RBFOX2: variants seen among roughly 807,000 people sequenced by gnomAD.
RBFOX2 encodes the protein RNA binding fox-1 homolog 2, also known as RNA binding protein fox-1 homolog 2.
Under a neutral mutation model 49.1 loss-of-function variants are expected in RBFOX2, and 10 were observed. The ratio of observed to expected loss-of-function variants is 0.20; its 90% CI spans 0.13 to 0.35. The LOEUF (loss-of-function observed/expected upper bound fraction) is 0.35. Among genes scored for constraint, RBFOX2 ranks in the 10% least tolerant of loss-of-function variants. RBFOX2 has a pLI of 1.00. For missense variants in RBFOX2, 323 were observed against 486.9 expected (o/e 0.66, Z 3.17); for synonymous variants, 183 against 187.4 (o/e 0.98, Z 0.19).
chr22:35,945,293 G>C (rs1175049226), intron 1 of RBFOX2, among the ~76,000 whole-genome samples: 1 of 152,014 alleles, frequency 6.6e-6, no homozygotes. Flanking sequence ...TATGTTATTC[G>C]CAGCAAGTTA....
chr22:35,853,658 CGTGTGTGTGTGT>C (rs36048607), intron 1 of RBFOX2, among the ~76,000 whole-genome samples: 40 of 141,138 alleles, frequency 2.8e-4, no homozygotes, highest in African/African-American at 4.1e-4. Flanking sequence ...TATATACACA[CGTGTGTGTGTGT>C]GTGTGTGTGT....
At chr22:35,820,560 G>A (rs1030758900) in intron 1 of RBFOX2, among the ~76,000 whole-genome samples, 1 of 152,060 alleles carries the variant, frequency 6.6e-6, no homozygotes, top group Non-Finnish European at 1.5e-5. Flanking sequence ...ACTCTATTAT[G>A]GTACTTATAT....
chr22:35,822,600 T>C (rs1017919354), intron 1 of RBFOX2, among the ~76,000 whole-genome samples: 3 of 152,196 alleles, frequency 2.0e-5, no homozygotes, highest in Non-Finnish European at 4.4e-5. Flanking sequence ...AAAATTCTAA[T>C]GGGAACTCAG....
chr22:35,985,917 T>C (rs1002413825), intron 1 of RBFOX2, among the ~76,000 whole-genome samples: 11 of 129,912 alleles, frequency 8.5e-5, no homozygotes, highest in African/African-American at 2.3e-4. Context: ...GATAGATAGA[T>C]AGATAGATAG....
At chr22:35,926,908 G>A (rs919494935) in intron 1 of RBFOX2, among the ~76,000 whole-genome samples, 1 of 152,068 alleles carries the variant, frequency 6.6e-6, no homozygotes, top group Non-Finnish European at 1.5e-5. Flanking sequence ...GAAAGCCAAA[G>A]GCAGAGTTTA....
intron 1 of RBFOX2, among the ~76,000 whole-genome samples, chr22:35,924,301 G>A (rs976731697): frequency 1.3e-5 from 2 of 152,094 alleles, no homozygotes; most frequent in Admixed American, 6.6e-5. Flanking sequence ...TATCTTAAAC[G>A]ATCCTGTGAT....
At position 36,008,533 on chromosome 22, in the gene RBFOX2, G is replaced by A. The variant is rs577968231; in HGVS notation, c.186+19707C>T. ...TCTCCTAGAGGTTTAACAAAAAATA[G>A]GGGCCAAGAGCAGTGGCTCATGCTT... On this transcript the variant is annotated intron_variant, in intron 1 of 13. Coordinates refer to the RBFOX2 transcript ENST00000438146. Among the ~76,000 whole-genome samples the A allele has an allele frequency of 7.9e-5, 12 of 152,236 alleles. No individual in the cohort carries two copies. The South Asian group carries it at 2.3e-3, about 29-fold the overall frequency.
intron 1 of RBFOX2, among the ~76,000 whole-genome samples, chr22:35,821,423 G>T (rs1193149421): frequency 1.3e-5 from 2 of 151,600 alleles, no homozygotes; most frequent in African/African-American, 4.8e-5. Context: ...CCAACATGGC[G>T]AAACCCCGTC....
At chr22:35,748,998 C>G (rs557205756) in intron 9 of RBFOX2, among the ~76,000 whole-genome samples, 4 of 152,282 alleles carry the variant, frequency 2.6e-5, no homozygotes, top group African/African-American at 9.6e-5. Flanking sequence ...GAACCAATTT[C>G]CCCTCATTTT....
intron 1 of RBFOX2, among the ~76,000 whole-genome samples, chr22:35,881,080 T>A (rs778616377): frequency 1.3e-5 from 2 of 148,174 alleles, no homozygotes; most frequent in South Asian, 2.1e-4. Context: ...CTGGCTAACA[T>A]GGTGAAACCC....
chr22:35,816,822 T>C (rs754099845), intron 1 of RBFOX2, among the ~76,000 whole-genome samples: 27 of 152,184 alleles, frequency 1.8e-4, no homozygotes, highest in Non-Finnish European at 3.5e-4. Context: ...TGCTTCAGTC[T>C]CAACAGTAAG....
chr22:36,011,130 T>C (rs1159937743), intron 1 of RBFOX2, among the ~76,000 whole-genome samples: 1 of 152,186 alleles, frequency 6.6e-6, no homozygotes, highest in Non-Finnish European at 1.5e-5. Flanking sequence ...CAATGACTCA[T>C]GGCAGATCCT....
Position 35,797,367 on chromosome 22 carries a change from T to C in RBFOX2, c.252+12413A>G, listed in dbSNP as rs559387627. ...AAAAGCAGCTAGTTCAGCTTGCAAC[T>C]CAATCACACAGTACTTTTCCTTGAA... On this transcript the variant is annotated intron_variant, in intron 2 of 11. Coordinates refer to ENST00000405409, the Ensembl canonical transcript of RBFOX2. Among the ~76,000 whole-genome samples the C allele has an allele frequency of 3.3e-5, 5 of 152,336 alleles. No homozygotes were observed. The East Asian group carries it at 9.6e-4, about 29-fold the overall frequency.
intron 2 of RBFOX2, among the ~76,000 whole-genome samples, chr22:35,804,838 C>CA (rs1950416482): frequency 6.6e-6 from 1 of 151,616 alleles, no homozygotes; most frequent in African/African-American, 2.4e-5. Context: ...TAAAAATAGT[C>CA]AAAAAATAAA....
intron 1 of RBFOX2, among the ~76,000 whole-genome samples, chr22:35,886,927 G>A (rs935309923): frequency 6.6e-6 from 1 of 152,144 alleles, no homozygotes; most frequent in East Asian, 1.9e-4. Flanking sequence ...TTGGGAAAAG[G>A]ACCAGAGGAA....
At chr22:35,928,982 G>A (rs968118491) in intron 1 of RBFOX2, among the ~76,000 whole-genome samples, 1 of 151,978 alleles carries the variant, frequency 6.6e-6, no homozygotes, top group Non-Finnish European at 1.5e-5. Flanking sequence ...ATGAGGCCAC[G>A]TTGTCTCAAG....
intron 1 of RBFOX2, among the ~76,000 whole-genome samples, chr22:35,886,636 G>C (rs1046531067): frequency 2.0e-5 from 3 of 152,146 alleles, no homozygotes; most frequent in Non-Finnish European, 4.4e-5. Flanking sequence ...GTGGGTAATC[G>C]TAACACAATG....
At chr22:36,007,070 T>A (rs1022396480) in intron 1 of RBFOX2, among the ~76,000 whole-genome samples, 3 of 152,206 alleles carry the variant, frequency 2.0e-5, no homozygotes, top group Admixed American at 6.5e-5. Context: ...TTCTCACTCA[T>A]TTTGCTTCTT....
chr22:35,907,272 T>C (rs570991195), intron 1 of RBFOX2, among the ~76,000 whole-genome samples: 186 of 152,376 alleles, frequency 1.2e-3, no homozygotes, highest in South Asian at 6.0e-3. Context: ...CATATGGCCC[T>C]AAGACTAATT....
Sources: gnomAD v4.1 joint callset for allele counts (sites outside exome capture counted in the v4.1 genomes callset) on GRCh38, gnomAD v4.1.1 for gene constraint, MANE v1.5 for transcripts, NCBI Gene and HGNC (gene_info 2026-07-23, HGNC 2026-07-21) for gene names.